Variants in NELL1 observed in about 807,000 individuals in gnomAD.
NELL1 encodes the protein protein kinase C-binding protein NELL1.
Under a neutral mutation model 107.4 loss-of-function variants are expected in NELL1, and 76 were observed. That is an observed-to-expected ratio of 0.71 (90% CI 0.59 to 0.86). The LOEUF (loss-of-function observed/expected upper bound fraction) is 0.86, where lower values mean the gene tolerates loss of function less well. NELL1 is among the 40% of genes least tolerant of loss of function. NELL1 has a pLI of 0.00. For missense variants in NELL1, 1,024 were observed against 1,005.5 expected (o/e 1.02, Z -0.25); for synonymous variants, 353 against 341.2 (o/e 1.03, Z -0.38).
chr11:20,764,885 G>T (rs1270260716), intron 2 of NELL1, among the ~76,000 whole-genome samples: 1 of 152,042 alleles, frequency 6.6e-6, no homozygotes, highest in African/African-American at 2.4e-5. Context: ...ATGAGGGCTG[G>T]GAAGGATGAC....
chr11:21,439,230 G>C (rs915614870), intron 15 of NELL1, among the ~76,000 whole-genome samples: 4 of 152,060 alleles, frequency 2.6e-5, no homozygotes, highest in African/African-American at 9.7e-5. Context: ...ATTTACACAG[G>C]TAGTAAGATG....
At chr11:21,278,336 A>G (rs1199510312) in intron 14 of NELL1, among the ~76,000 whole-genome samples, 6 of 152,214 alleles carry the variant, frequency 3.9e-5, no homozygotes, top group African/African-American at 9.6e-5. Flanking sequence ...CTGGAAAGAA[A>G]GAAATAAAAC....
intron 2 of NELL1, among the ~76,000 whole-genome samples, chr11:20,776,665 G>T (rs1187368926): frequency 6.6e-6 from 1 of 152,088 alleles, no homozygotes; most frequent in African/African-American, 2.4e-5. Context: ...AGAGAAGACA[G>T]GTTGCTGCAG....
intron 3 of NELL1, among the ~76,000 whole-genome samples, chr11:20,802,334 T>C (rs1163500051): frequency 6.6e-6 from 1 of 152,196 alleles, no homozygotes; most frequent in Non-Finnish European, 1.5e-5. Context: ...TATTTTCTTT[T>C]TGTATCTGAT....
intron 16 of NELL1, among the ~76,000 whole-genome samples, chr11:21,535,985 G>A (rs1408760909): frequency 6.6e-6 from 1 of 152,124 alleles, no homozygotes; most frequent in Admixed American, 6.6e-5. Context: ...ATTAAGCATG[G>A]TGGCTAAAAG....
intron 12 of NELL1, among the ~76,000 whole-genome samples, chr11:20,969,974 T>G (rs1358529176): frequency 6.6e-6 from 1 of 152,138 alleles, no homozygotes; most frequent in Non-Finnish European, 1.5e-5. Context: ...TTTTAGTCAT[T>G]GGCAGTATTT....
At chr11:20,778,498 C>CTTTTTTTTTTTTTTT (rs1161737750) in intron 2 of NELL1, among the ~76,000 whole-genome samples, 2 of 73,034 alleles carry the variant, frequency 2.7e-5, no homozygotes, top group South Asian at 4.8e-4. Context: ...TCACCCAGCA[C>CTTTTTTTTTTTTTTT]TTTTTTTTTT....
chr11:21,232,137 T>TAAAAA (rs764469809), intron 14 of NELL1, among the ~76,000 whole-genome samples: 1 of 57,620 alleles, frequency 1.7e-5, no homozygotes, highest in African/African-American at 8.7e-5. Flanking sequence ...CCATCTCTAC[T>TAAAAA]AAAAAAAAAT....
At chr11:21,293,568 A>G (rs1302662022) in intron 14 of NELL1, among the ~76,000 whole-genome samples, 3 of 152,214 alleles carry the variant, frequency 2.0e-5, no homozygotes, top group African/African-American at 7.2e-5. Context: ...TGACCCAGCA[A>G]TGCCATTACT....
At chr11:21,467,430 T>C (rs554884760) in intron 15 of NELL1, among the ~76,000 whole-genome samples, 335 of 152,202 alleles carry the variant, frequency 2.2e-3, no homozygotes, top group African/African-American at 7.9e-3. Context: ...GCATTCCTGG[T>C]CATTACAATA....
chr11:21,166,385 T>A (rs913742534), intron 13 of NELL1, among the ~76,000 whole-genome samples: 6 of 151,912 alleles, frequency 3.9e-5, no homozygotes, highest in African/African-American at 1.5e-4. Flanking sequence ...AAATCACTTT[T>A]AAAAATTAAT....
chr11:20,915,805 A>G lies in NELL1; in HGVS notation c.604-2377A>G, dbSNP rs1263014769. ...ATAAAATCCCTTTTGTAGTTTTATG[A>G]AGGAAACTACATGCTTAGCAAATGC... On this transcript the variant is annotated intron_variant, in intron 5 of 19. Coordinates refer to ENST00000357134, the MANE Select transcript of NELL1 (RefSeq NM_006157.5). Among the ~76,000 whole-genome samples, 5 of 146,538 alleles carry G rather than the reference A, an allele frequency of 3.4e-5. No individual in the cohort carries two copies. The Admixed American group carries it at 3.5e-4, about 10-fold the overall frequency.
At chr11:21,094,101 T>G (rs554817860) in intron 12 of NELL1, among the ~76,000 whole-genome samples, 1 of 151,874 alleles carries the variant, frequency 6.6e-6, no homozygotes, top group South Asian at 2.1e-4. Context: ...CTAGATTCAA[T>G]GGGGGTACGG....
intron 12 of NELL1, among the ~76,000 whole-genome samples, chr11:21,032,187 C>A (rs1215228331): frequency 6.6e-6 from 1 of 151,908 alleles, no homozygotes; most frequent in South Asian, 2.1e-4. Context: ...CATTGTACTT[C>A]GGCTCCAGTG....
At chr11:21,099,991 G>A (rs1198388082) in intron 12 of NELL1, among the ~76,000 whole-genome samples, 1 of 151,844 alleles carries the variant, frequency 6.6e-6, no homozygotes, top group Non-Finnish European at 1.5e-5. Flanking sequence ...GTGCTAAAAT[G>A]TATAGAACAT....
chr11:20,719,698 AGC>A, intron 2 of NELL1, among the ~76,000 whole-genome samples: 1 of 152,218 alleles, frequency 6.6e-6, no homozygotes, highest in South Asian at 2.1e-4. Context: ...AGAGGTTGGA[AGC>A]ATGAGGATTA....
rs1271703122 is a variant in NELL1, at chr11:21,338,892, C to T, written c.1550-31961C>T. ...TAGGAAGCCTGTGAATCCCCAGAAA[C>T]ATTTGTGTGTATTTGGTTCTATGCA... On this transcript the variant is annotated intron_variant, in intron 14 of 19. Coordinates refer to ENST00000357134, the MANE Select transcript of NELL1 (RefSeq NM_006157.5). 2.6e-5 allele frequency among the ~76,000 whole-genome samples: 4 copies of T among 152,134 alleles called. No homozygotes were observed. In the East Asian group the frequency reaches 7.7e-4, roughly 29 times the overall value.
At chr11:21,237,585 G>A (rs1157050158) in intron 14 of NELL1, among the ~76,000 whole-genome samples, 1 of 152,006 alleles carries the variant, frequency 6.6e-6, no homozygotes, top group Non-Finnish European at 1.5e-5. Context: ...CATCATAGAA[G>A]TTATTGAACA....
At chr11:21,430,638 T>C (rs1852942573) in intron 15 of NELL1, among the ~76,000 whole-genome samples, 1 of 152,168 alleles carries the variant, frequency 6.6e-6, no homozygotes, top group African/African-American at 2.4e-5. Context: ...TGAGATGTAG[T>C]GCAGGGCCTC....
Sources: allele counts gnomAD v4.1 joint callset (sites outside exome capture counted in the v4.1 genomes callset), GRCh38; gene constraint gnomAD v4.1.1; transcripts MANE v1.5; gene names NCBI Gene and HGNC (gene_info 2026-07-23, HGNC 2026-07-21).